Variants in NFASC observed in about 807,000 individuals in gnomAD.
NFASC encodes the protein neurofascin homolog.
Under a neutral mutation model 147.5 loss-of-function variants are expected in NFASC, and 43 were observed. That is an observed-to-expected ratio of 0.29 (90% CI 0.23 to 0.38). The LOEUF is 0.38. NFASC is among the 10% of genes least tolerant of loss of function. The pLI, the probability that NFASC is intolerant of heterozygous loss-of-function variation, is 1.00. For missense variants in NFASC, 1,320 were observed against 1,689.0 expected, an observed-to-expected ratio of 0.78 and a Z score of 3.83; for synonymous variants, 622 against 665.5, an observed-to-expected ratio of 0.93 and a Z score of 1.01.
chr1:204,856,008 C>CTTGTGTGA, intron 1 of NFASC, among the ~76,000 whole-genome samples: 1 of 152,278 alleles, frequency 6.6e-6, no homozygotes, highest in South Asian at 2.1e-4. Context: ...ATCCCCAGTT[C>CTTGTGTGA]ACACAAGAGG....
At chr1:205,009,716 C>G (rs751288975) in intron 28 of NFASC, 28 bp downstream of exon 28, 55 of 1,606,806 alleles carry the variant, frequency 3.4e-5, no homozygotes, top group Non-Finnish European at 4.4e-5. Flanking sequence ...CGTGGGCTTG[C>G]AGGGTGGGGC....
At chr1:204,923,394 C>T (rs537918695) in intron 2 of NFASC, among the ~76,000 whole-genome samples, 20 of 152,280 alleles carry the variant, frequency 1.3e-4, no homozygotes, top group East Asian at 3.9e-4. Context: ...CCTTCCCTCC[C>T]GCCATCCCCA....
chr1:204,852,163 C>T lies in NFASC; in HGVS notation c.-200+23381C>T, dbSNP rs1572043760. 2.0e-5 allele frequency among the ~76,000 whole-genome samples: 3 copies of T among 152,278 alleles called. 1 individual carries two copies. The highest frequency in any genetic ancestry group is 4.1e-4 in the South Asian group (2 of 4,824). On this transcript the variant is annotated intron_variant, in intron 1 of 29. Coordinates refer to ENST00000339876, the MANE Select transcript of NFASC (RefSeq NM_001005388.3). ...CACTGGATATTAGAATTGGAAGGAG[C>T]ATTAGCGATCATCTGATCCCATTAG... is the stretch of plus-strand genomic sequence containing the variant.
chr1:204,919,374 T>C (rs2090003364), intron 1 of NFASC, among the ~76,000 whole-genome samples: 1 of 152,222 alleles, frequency 6.6e-6, no homozygotes, highest in African/African-American at 2.4e-5. Context: ...TTATTGTCTT[T>C]TTTAAAAATA....
chr1:204,829,988 C>T (rs1400396770), intron 1 of NFASC, among the ~76,000 whole-genome samples: 1 of 148,248 alleles, frequency 6.7e-6, no homozygotes, highest in African/African-American at 2.5e-5. Context: ...TGACTCCTTC[C>T]TTGGCATTTT....
chr1:204,982,096 A>G (rs1055750227), intron 21 of NFASC, 76 bp downstream of exon 21: 28 of 1,008,770 alleles, frequency 2.8e-5, no homozygotes, highest in Non-Finnish European at 3.8e-5. Flanking sequence ...ACAGGCCAGG[A>G]ACCTTGGGGT....
intron 28 of NFASC, 82 bp from the exon 29 acceptor site, chr1:205,012,714 GC>G (rs772323158): frequency 9.7e-7 from 1 of 1,025,802 alleles, no homozygotes; most frequent in Non-Finnish European, 1.6e-6. Flanking sequence ...GTGCCTTCTG[GC>G]CCTGCATTCA....
chr1:205,020,555 G>A lies in NFASC; in HGVS notation c.*4016G>A, dbSNP rs897036145. ...AATTCCTGTTGGCAGCACCTAGAGAGAGCATCTGAGCTGAAGGAGTGGGAA... is the reference window on the plus strand; with the variant it reads ...AATTCCTGTTGGCAGCACCTAGAGAAAGCATCTGAGCTGAAGGAGTGGGAA... On this transcript the variant is annotated 3_prime_UTR_variant, in exon 30 of 30. Transcript: ENST00000339876. The A allele has an allele frequency of 2.0e-5, 3 of 152,286 alleles. No homozygotes were observed. Among genetic ancestry groups the A allele is most frequent in the African/African-American group, 7.2e-5 (3 of 41,462 alleles). The allele number at this position is 152,286 out of a possible 1,614,324, so 9.4% of individuals were successfully genotyped here. A position where few individuals can be genotyped will look rare whatever the true frequency, so the allele number is the denominator to read the frequency against.
In NFASC at chr1:204,901,699, G is replaced by A. The variant is rs553920834; in HGVS notation, c.-199-18933G>A. Among the ~76,000 whole-genome samples the A allele has an allele frequency of 6.6e-5, 10 of 152,232 alleles. No individual in the cohort carries two copies. In the South Asian group the frequency reaches 1.5e-3, roughly 22 times the overall value. ...TAAGGCAGTAGCCCGAGGGGAGAGT[G>A]GGGGCAAGGGAGGCTCCTCAGGTTG... On this transcript the variant is annotated intron_variant, in intron 1 of 29. Coordinates refer to ENST00000339876, the MANE Select transcript of NFASC (RefSeq NM_001005388.3).
chr1:204,877,454 C>A (rs542580636), intron 1 of NFASC, among the ~76,000 whole-genome samples: 1 of 151,908 alleles, frequency 6.6e-6, no homozygotes, highest in Non-Finnish European at 1.5e-5. Flanking sequence ...TGGTTGAAAT[C>A]GGGGGTGGAT....
intron 11 of NFASC, 66 bp downstream of exon 11, chr1:204,970,813 T>C: frequency 6.3e-7 from 1 of 1,590,438 alleles, no homozygotes; most frequent in African/African-American, 1.3e-5. Context: ...CAGATCCCCA[T>C]CACTGTAGCC....
chr1:205,014,667 C>A (rs902691108), intron 29 of NFASC, among the ~76,000 whole-genome samples: 12 of 152,166 alleles, frequency 7.9e-5, no homozygotes, highest in African/African-American at 2.9e-4. Context: ...AGACCTAGAT[C>A]CCCCGTCCCC....
intron 21 of NFASC, chr1:204,984,216 A>G (rs2095561732): frequency 1.0e-6 from 1 of 956,000 alleles, no homozygotes; most frequent in Non-Finnish European, 1.7e-6. Flanking sequence ...AATGCGGGCT[A>G]TAAGATATTT....
At chr1:204,874,003 C>T (rs973394044) in intron 1 of NFASC, among the ~76,000 whole-genome samples, 1 of 152,164 alleles carries the variant, frequency 6.6e-6, no homozygotes, top group African/African-American at 2.4e-5. Context: ...AGCTGGGTGA[C>T]CTCTGGTTTC....
At chr1:204,893,587 T>C (rs2082802091) in intron 1 of NFASC, among the ~76,000 whole-genome samples, 1 of 152,226 alleles carries the variant, frequency 6.6e-6, no homozygotes, top group Non-Finnish European at 1.5e-5. Context: ...CAAGATTCCA[T>C]GGTGAGCCGT....
Position 204,987,312 on chromosome 1 carries a change from T to C in NFASC, c.2471-106T>C, listed in dbSNP as rs2095636134. On this transcript the variant is annotated intron_variant, in intron 21 of 29. Transcript: ENST00000339876. This position sits in a 1 kb window ranked among gnomAD's most constrained non-coding sequence, Gnocchi z 4.4. ...AGTTTAGCAGTGTCGAGCATGGGGGTTGTCCAGAGGTCAATGCCTTCATAC... is the reference window on the plus strand; with the variant it reads ...AGTTTAGCAGTGTCGAGCATGGGGGCTGTCCAGAGGTCAATGCCTTCATAC... The C allele has an allele frequency of 3.0e-5, 32 of 1,079,206 alleles. 1 individual carries two copies. Among genetic ancestry groups the C allele is most frequent in the Middle Eastern group, 2.6e-4 (1 of 3,916 alleles). The allele number at this position is 1,079,206 out of a possible 1,614,324, so 66.9% of individuals were successfully genotyped here.
intron 1 of NFASC, among the ~76,000 whole-genome samples, chr1:204,851,933 CTAAGATGG>C (rs1249846459): frequency 6.6e-6 from 1 of 152,144 alleles, no homozygotes. Context: ...CTCTGGAATT[CTAAGATGG>C]TACAGGGTCT....
intron 1 of NFASC, among the ~76,000 whole-genome samples, chr1:204,859,763 C>T (rs530477161): frequency 6.6e-6 from 1 of 152,218 alleles, no homozygotes; most frequent in Non-Finnish European, 1.5e-5. Flanking sequence ...CCTAAAATAA[C>T]CATTTAAGAC....
intron 1 of NFASC, among the ~76,000 whole-genome samples, chr1:204,888,522 A>G (rs900622653): frequency 6.6e-6 from 1 of 152,182 alleles, no homozygotes; most frequent in Non-Finnish European, 1.5e-5. Flanking sequence ...GGACTTCCTT[A>G]TGCTGACTCA....
Sources: gnomAD v4.1 joint callset for allele counts (sites outside exome capture counted in the v4.1 genomes callset) on GRCh38, gnomAD v4.1.1 for gene constraint, Gnocchi (gnomAD v3.1) non-coding constraint, MANE v1.5 for transcripts, NCBI Gene and HGNC (gene_info 2026-07-23, HGNC 2026-07-21) for gene names.